The following ZSWIM5 variants were observed in gnomAD, a reference collection of about 807,000 sequenced individuals.
The protein encoded by ZSWIM5 is zinc finger SWIM domain-containing protein 5.
A neutral mutation model predicts 119.6 loss-of-function variants in ZSWIM5; 55 were observed. The ratio of observed to expected loss-of-function variants is 0.46; its 90% CI spans 0.37 to 0.58. The LOEUF is 0.58. ZSWIM5 is among the 20% of genes least tolerant of loss of function. The pLI is 0.00. For missense variants in ZSWIM5, 1,193 were observed against 1,512.8 expected, an observed-to-expected ratio of 0.79 and a Z score of 3.51; for synonymous variants, 537 against 606.9, an observed-to-expected ratio of 0.88 and a Z score of 1.69.
At chr1:45,119,400 C>T (rs1237683286) in intron 1 of ZSWIM5, among the ~76,000 whole-genome samples, 1 of 152,104 alleles carries the variant, frequency 6.6e-6, no homozygotes, top group Admixed American at 6.6e-5. Flanking sequence ...CGGAAATACT[C>T]GGGCCCATCC....
At chr1:45,156,665 T>C (rs537006731) in intron 1 of ZSWIM5, among the ~76,000 whole-genome samples, 5 of 149,618 alleles carry the variant, frequency 3.3e-5, no homozygotes, top group African/African-American at 1.2e-4. Flanking sequence ...CACTTAACTA[T>C]ACCTAATTTG....
chr1:45,087,861 T>C lies in ZSWIM5; in HGVS notation c.952+20A>G, dbSNP rs1003117894. The C allele has an allele frequency of 4.5e-6, 7 of 1,554,540 alleles. No individual in the cohort carries two copies. In the African/African-American group the frequency reaches 8.2e-5, roughly 18 times the overall value. On this transcript the variant is annotated intron_variant, in intron 2 of 13. Transcript: ENST00000359600. ...TGATGAAAAAGACCTTTTTTTTCAA[T>C]AAAAAAGTTGTACAATTACCATTCA...
intron 1 of ZSWIM5, among the ~76,000 whole-genome samples, chr1:45,116,165 C>G (rs1557770833): frequency 1.3e-5 from 2 of 152,000 alleles, no homozygotes; most frequent in South Asian, 2.1e-4. Flanking sequence ...CTTTTTGTAG[C>G]CAAACATTAA....
At chr1:45,096,912 A>G (rs1424526868) in intron 1 of ZSWIM5, among the ~76,000 whole-genome samples, 1 of 152,158 alleles carries the variant, frequency 6.6e-6, no homozygotes, top group East Asian at 1.9e-4. Flanking sequence ...CCATCATGTC[A>G]TCCTATAAAT....
chr1:45,022,149 G>C (rs1263469780), intron 11 of ZSWIM5, among the ~76,000 whole-genome samples: 4 of 134,958 alleles, frequency 3.0e-5, no homozygotes, highest in Non-Finnish European at 6.0e-5. Context: ...ATTTTTTTTT[G>C]AGACGGAGTC....
At chr1:45,200,386 C>CTATAAATA (rs1280018022) in intron 1 of ZSWIM5, among the ~76,000 whole-genome samples, 3 of 152,030 alleles carry the variant, frequency 2.0e-5, no homozygotes, top group Non-Finnish European at 2.9e-5. Flanking sequence ...AGAAATAAGC[C>CTATAAATA]TATAAATAAA....
intron 1 of ZSWIM5, among the ~76,000 whole-genome samples, chr1:45,133,323 G>A (rs1031919146): frequency 6.6e-6 from 1 of 152,138 alleles, no homozygotes; most frequent in African/African-American, 2.4e-5. Context: ...GTGTGAGATG[G>A]TTTCTCATTG....
chr1:45,078,656 T>C (rs1645269939), intron 2 of ZSWIM5, among the ~76,000 whole-genome samples: 1 of 152,096 alleles, frequency 6.6e-6, no homozygotes, highest in African/African-American at 2.4e-5. Context: ...TCACCCAAGG[T>C]TTGCTGTAAC....
chr1:45,148,303 T>A (rs554737089), intron 1 of ZSWIM5, among the ~76,000 whole-genome samples: 1 of 152,168 alleles, frequency 6.6e-6, no homozygotes, highest in Non-Finnish European at 1.5e-5. Context: ...TCAAAGAGTG[T>A]TCATAAATGA....
chr1:45,106,119 T>C (rs555571577), intron 1 of ZSWIM5, among the ~76,000 whole-genome samples: 1,365 of 84,780 alleles, frequency 0.016, 71 homozygotes, highest in African/African-American at 0.06. Context: ...AGCGCCTCTG[T>C]CCGGCTGCCC....
rs564492329 is a variant in ZSWIM5, at chr1:45,048,861, C to T, written c.1432+2213G>A. Among the ~76,000 whole-genome samples, 4 of 152,302 alleles carry T rather than the reference C, an allele frequency of 2.6e-5. No individual in the cohort carries two copies. In the East Asian group the frequency reaches 5.8e-4, roughly 22 times the overall value. Reference sequence around the variant, plus strand: ...TAGGAATCAGCATGGTGGCTCATGCCTATAATCCCAGCACTTTGGGAGGCC... The same window carrying T: ...TAGGAATCAGCATGGTGGCTCATGCTTATAATCCCAGCACTTTGGGAGGCC... On this transcript the variant is annotated intron_variant, in intron 5 of 13. Transcript: ENST00000359600.
intron 1 of ZSWIM5, among the ~76,000 whole-genome samples, chr1:45,171,594 G>A (rs2149045416): frequency 6.6e-6 from 1 of 152,076 alleles, no homozygotes; most frequent in Non-Finnish European, 1.5e-5. Flanking sequence ...TCATAAGATA[G>A]GACATCATAC....
At chr1:45,045,827 A>G (rs1463331089) in intron 5 of ZSWIM5, among the ~76,000 whole-genome samples, 1 of 152,168 alleles carries the variant, frequency 6.6e-6, no homozygotes, top group East Asian at 1.9e-4. Flanking sequence ...AGTTAAGTAA[A>G]TATATAGTAT....
chr1:45,058,667 G>A lies in ZSWIM5; in HGVS notation c.1194C>T (p.Leu398=). Residue 398 remains leucine (L), a synonymous_variant, in exon 4 of 14, where the codon CTC becomes CTT. Transcript: ENST00000359600. Reference sequence around the variant, plus strand: ...TCATGTTTGTTCCTTGCTGCCTCCAGAGTGTGAGTCGTGGGTCAGCCACAA... The same window carrying A: ...TCATGTTTGTTCCTTGCTGCCTCCAAAGTGTGAGTCGTGGGTCAGCCACAA... ...EQFVADPRLT[L]WRQQGTNMTD... The A allele has an allele frequency of 6.2e-7, 1 of 1,614,242 alleles. No homozygotes were observed. The highest frequency in any genetic ancestry group is 1.1e-5 in the South Asian group (1 of 91,084).
At position 45,088,043 on chromosome 1, in the gene ZSWIM5, A is replaced by G. The variant is rs1306750339; in HGVS notation, c.790T>C (p.Leu264=). The part of the protein sequence containing the change: ...YRIRKPDQVK[L]RLPISETLFQ... ...AGGGTTTCGGAGATAGGAAGACGCA[A>G]TTTGACTTGGTCTGGTTTACGGATC... Residue 264 remains leucine, a synonymous_variant, in exon 2 of 14, where the codon TTG becomes CTG. Coordinates refer to ENST00000359600, the MANE Select transcript of ZSWIM5 (RefSeq NM_020883.2). The surrounding 1 kb of genome is among the most constrained non-coding windows in gnomAD (Gnocchi z 4.2). The G allele has an allele frequency of 1.2e-6, 2 of 1,614,170 alleles. No individual in the cohort carries two copies. Among genetic ancestry groups the G allele is most frequent in the East Asian group, 2.2e-5 (1 of 44,880 alleles).
chr1:45,105,211 C>T (rs544619164), intron 1 of ZSWIM5, among the ~76,000 whole-genome samples: 11 of 152,328 alleles, frequency 7.2e-5, no homozygotes, highest in African/African-American at 2.2e-4. Context: ...CTCAGCCTCC[C>T]GAGGTGCTGG....
At chr1:45,174,185 G>C (rs1470020589) in intron 1 of ZSWIM5, among the ~76,000 whole-genome samples, 1 of 152,106 alleles carries the variant, frequency 6.6e-6, no homozygotes, top group Non-Finnish European at 1.5e-5. Flanking sequence ...TGAGGCAGGA[G>C]AATTGCTTGA....
At chr1:45,156,449 A>G (rs1645827480) in intron 1 of ZSWIM5, among the ~76,000 whole-genome samples, 1 of 18,284 alleles carries the variant, frequency 5.5e-5, no homozygotes, top group Admixed American at 9.1e-4. Flanking sequence ...TAAAAGTTGA[A>G]ATTATTTAAA....
At chr1:45,129,184 A>G in intron 1 of ZSWIM5, among the ~76,000 whole-genome samples, 1 of 126,732 alleles carries the variant, frequency 7.9e-6, no homozygotes, top group Non-Finnish European at 1.6e-5. Context: ...TTTTTGAGAC[A>G]GAGTCTCGCT....
Sources: gnomAD v4.1 joint callset for allele counts (sites outside exome capture counted in the v4.1 genomes callset) on GRCh38, gnomAD v4.1.1 for gene constraint, Gnocchi (gnomAD v3.1) non-coding constraint, MANE v1.5 for transcripts, NCBI Gene and HGNC (gene_info 2026-07-23, HGNC 2026-07-21) for gene names.